The following VPS53 variants were observed in gnomAD, a reference collection of about 807,000 sequenced individuals.
VPS53 encodes vacuolar protein sorting-associated protein 53 homolog.
A neutral mutation model predicts 107.0 loss-of-function variants in VPS53; 70 were observed. The ratio of observed to expected loss-of-function variants is 0.65; its 90% confidence interval spans 0.54 to 0.80. VPS53 has a LOEUF of 0.80. VPS53 is among the 30% of genes least tolerant of loss of function. The pLI is 0.00. For synonymous variants in VPS53, 409 were observed against 393.3 expected (o/e 1.04, Z -0.47); for missense variants, 917 against 1,049.4 (o/e 0.87, Z 1.74).
At chr17:660,271 A>C (rs1331658281) in intron 5 of VPS53, among the ~76,000 whole-genome samples, 2 of 152,208 alleles carry the variant, frequency 1.3e-5, no homozygotes, top group Non-Finnish European at 2.9e-5. Context: ...AATAATGAAC[A>C]TAAATCCTAG....
chr17:625,117 T>C (rs766805866), intron 10 of VPS53, among the ~76,000 whole-genome samples: 5 of 152,008 alleles, frequency 3.3e-5, no homozygotes, highest in Admixed American at 6.6e-5. Flanking sequence ...GCCTCTCTAG[T>C]AGCTGGGATT....
rs771066792 is a variant in VPS53 at position 701,167 on chromosome 17, TA to T, written c.169-1788del. On this transcript the variant is annotated intron_variant, in intron 2 of 21. Coordinates refer to ENST00000437048, the MANE Select transcript of VPS53 (RefSeq NM_001128159.3). ...AGTGAGATCCCATCTCTCCAAAAAA[TA>T]AAAAAAAGTTAGCCAGGCATGGTGG... is the stretch of plus-strand genomic sequence containing the variant. 1.1e-4 allele frequency among the ~76,000 whole-genome samples: 17 copies of T among 151,156 alleles called. No homozygotes were observed. The East Asian group carries it at 2.7e-3, about 24-fold the overall frequency.
intron 13 of VPS53, among the ~76,000 whole-genome samples, chr17:585,196 G>A (rs1044726828): frequency 6.6e-6 from 1 of 152,182 alleles, no homozygotes; most frequent in Non-Finnish European, 1.5e-5. Flanking sequence ...CCCAATAATG[G>A]GACAAATCAA....
At chr17:573,915 C>T (rs1333692096) in intron 13 of VPS53, among the ~76,000 whole-genome samples, 1 of 152,196 alleles carries the variant, frequency 6.6e-6, no homozygotes, top group Non-Finnish European at 1.5e-5. Context: ...CCTTCTCCAG[C>T]CTCAGGATTC....
At chr17:610,235 A>C (rs1466621207) in intron 11 of VPS53, among the ~76,000 whole-genome samples, 1 of 152,098 alleles carries the variant, frequency 6.6e-6, no homozygotes, top group Non-Finnish European at 1.5e-5. Flanking sequence ...GAAAAAACTA[A>C]GGGTCCTACG....
intron 19 of VPS53, among the ~76,000 whole-genome samples, chr17:525,072 G>A (rs146200385): frequency 3.9e-5 from 6 of 152,322 alleles, no homozygotes; most frequent in East Asian, 3.9e-4. Context: ...CAGCACATTC[G>A]TGCAATGGAA....
chr17:577,511 C>A (rs1422449637), intron 13 of VPS53, among the ~76,000 whole-genome samples: 2 of 152,198 alleles, frequency 1.3e-5, no homozygotes, highest in East Asian at 1.9e-4. Context: ...CAGAGAACAT[C>A]CCTCAGAACC....
chr17:689,852 G>C (rs1311846624), intron 4 of VPS53, among the ~76,000 whole-genome samples: 1 of 152,120 alleles, frequency 6.6e-6, no homozygotes, highest in East Asian at 1.9e-4. Context: ...TCCTTGGAAG[G>C]CAATGTACTT....
chr17:706,365 C>T (rs1482933379), intron 2 of VPS53, among the ~76,000 whole-genome samples: 2 of 151,940 alleles, frequency 1.3e-5, no homozygotes, highest in East Asian at 3.9e-4. Context: ...GGTGAAACCC[C>T]GTCTCTACTA....
chr17:537,389 G>A (rs1910176138), intron 17 of VPS53: 3 of 540,940 alleles, frequency 5.5e-6, no homozygotes, highest in Non-Finnish European at 9.7e-6. Flanking sequence ...AGTGAGGTGT[G>A]ACCCAGACCC....
chr17:676,098 T>A (rs1196021148), intron 4 of VPS53: 1 of 152,142 alleles, frequency 6.6e-6, no homozygotes, highest in Non-Finnish European at 1.5e-5. Flanking sequence ...GCAAAACTAA[T>A]CTCCTTCCAG....
intron 11 of VPS53, among the ~76,000 whole-genome samples, chr17:609,907 A>C (rs1453330434): frequency 6.6e-6 from 1 of 152,072 alleles, no homozygotes; most frequent in Non-Finnish European, 1.5e-5. Flanking sequence ...AGGTGGGCGG[A>C]TCACGAGGTC....
At chr17:635,279 A>G (rs1188020596) in intron 7 of VPS53, among the ~76,000 whole-genome samples, 11 of 152,086 alleles carry the variant, frequency 7.2e-5, no homozygotes, top group Admixed American at 2.0e-4. Context: ...TGAGTTATTT[A>G]TAGATTCTGG....
At chr17:657,429 T>C in intron 5 of VPS53, 1 of 890,760 alleles carries the variant, frequency 1.1e-6, no homozygotes, top group African/African-American at 1.6e-5. Context: ...GGGAAGACAC[T>C]CTCTCAACTT....
intron 4 of VPS53, among the ~76,000 whole-genome samples, chr17:671,775 G>A (rs1365503847): frequency 1.4e-5 from 2 of 147,340 alleles, no homozygotes; most frequent in Admixed American, 7.0e-5. Context: ...TGCAACATCC[G>A]CCTCCTGGGT....
At position 562,730 on chromosome 17, in the gene VPS53, C is replaced by T. The variant is rs760049033; in HGVS notation, c.1329G>A (p.Leu443=). Reference sequence around the variant, plus strand: ...TGAAATCAGCCACAAACCGATCTATCAGCTCTCCGAGGTTCCTAGGAGGAA... The same window carrying T: ...TGAAATCAGCCACAAACCGATCTATTAGCTCTCCGAGGTTCCTAGGAGGAA... ...IESQDKNLGE[L]IDRFVADFKA... is the part of the protein sequence containing the mutation. The change falls in exon 14 of 22, where the codon CTG becomes CTA. Residue 443 remains leucine, a synonymous_variant. Transcript: ENST00000437048. 2 of 1,612,284 alleles carry T rather than the reference C, an allele frequency of 1.2e-6. No individual in the cohort carries two copies. The highest frequency in any genetic ancestry group is 1.7e-6 in the Non-Finnish European group (2 of 1,179,306).
At chr17:566,031 G>A (rs1463793423) in intron 13 of VPS53, among the ~76,000 whole-genome samples, 4 of 151,512 alleles carry the variant, frequency 2.6e-5, no homozygotes, top group Admixed American at 2.0e-4. Flanking sequence ...GTGAAACCCC[G>A]TCTCTACTAA....
chr17:546,822 A>T (rs566242508), intron 17 of VPS53, among the ~76,000 whole-genome samples: 2 of 151,932 alleles, frequency 1.3e-5, no homozygotes, highest in East Asian at 3.9e-4. Context: ...GTTAAACATA[A>T]ATTGACCATA....
In VPS53 at chr17:519,857, G is replaced by A; in HGVS notation, c.2297C>T (p.Thr766Ile). 1 of 1,551,718 alleles carries A rather than the reference G, an allele frequency of 6.4e-7. No homozygotes were observed. Among genetic ancestry groups the A allele is most frequent in the Non-Finnish European group, 8.7e-7 (1 of 1,146,976 alleles). Residue 766 changes from threonine to isoleucine, a missense_variant, in exon 21 of 22, where the codon ACA (threonine) becomes ATA (isoleucine). Coordinates refer to ENST00000437048, the MANE Select transcript of VPS53 (RefSeq NM_001128159.3). The surrounding 1 kb of genome is among the most constrained non-coding windows in gnomAD (Gnocchi z 5.0). ...NYIKLLTDCNTETFQKILDMK... is the reference protein window; with the variant it reads ...NYIKLLTDCNIETFQKILDMK... ...GTCCAGTATCTTCTGAAAGGTTTCT[G>A]TGTTGCAGTCTGTGAGAAGTTTGAT...
Sources: gnomAD v4.1 joint callset for allele counts (sites outside exome capture counted in the v4.1 genomes callset) on GRCh38, gnomAD v4.1.1 for gene constraint, Gnocchi (gnomAD v3.1) non-coding constraint, MANE v1.5 for transcripts, NCBI Gene and HGNC (gene_info 2026-07-23, HGNC 2026-07-21) for gene names.